Variants in TCF12 observed in about 807,000 individuals in gnomAD.
TCF12 encodes the protein DNA-binding protein HTF4.
In TCF12, 45 loss-of-function variants were observed where a neutral mutation model predicts 86.0. The ratio of observed to expected loss-of-function variants is 0.52; its 90% CI spans 0.41 to 0.67. The LOEUF is 0.67. Among genes scored for constraint, TCF12 ranks in the 30% least tolerant of loss-of-function variants. The pLI is 0.00. For missense variants in TCF12, 881 were observed against 859.9 expected (o/e 1.02, Z -0.31); for synonymous variants, 330 against 299.6 (o/e 1.10, Z -1.05).
chr15:57,088,551 G>A (rs2048794317), intron 4 of TCF12, among the ~76,000 whole-genome samples: 1 of 145,050 alleles, frequency 6.9e-6, no homozygotes, highest in South Asian at 2.2e-4. Flanking sequence ...ATTCTTATCT[G>A]GAAATTTCTG....
intron 3 of TCF12, among the ~76,000 whole-genome samples, chr15:57,040,345 T>A (rs1845997558): frequency 6.6e-6 from 1 of 152,224 alleles, no homozygotes; most frequent in Non-Finnish European, 1.5e-5. Context: ...TAATTATATT[T>A]GGTAAAAAGT....
At chr15:57,167,139 TG>T (rs2151547381) in intron 6 of TCF12, among the ~76,000 whole-genome samples, 1 of 152,362 alleles carries the variant, frequency 6.6e-6, no homozygotes, top group East Asian at 1.9e-4. Flanking sequence ...ATTTCAGGCA[TG>T]GGCATGTGAG....
intron 8 of TCF12, among the ~76,000 whole-genome samples, chr15:57,199,185 ATTCCCGAAGACAGGAATTTTT>A (rs1327322512): frequency 2.6e-5 from 4 of 152,206 alleles, no homozygotes; most frequent in Admixed American, 2.6e-4. Context: ...TCAAATCGTT[ATTCCCGAAGACAGGAATTTTT>A]TTTCAGCAGC....
chr15:56,935,274 T>C (rs2060418303), intron 3 of TCF12, among the ~76,000 whole-genome samples: 1 of 152,032 alleles, frequency 6.6e-6, no homozygotes, highest in African/African-American at 2.4e-5. Context: ...ATACCATAGA[T>C]TTGGTGGCTT....
chr15:57,202,635 C>T (rs2057604740), intron 8 of TCF12, among the ~76,000 whole-genome samples: 1 of 151,942 alleles, frequency 6.6e-6, no homozygotes, highest in South Asian at 2.1e-4. Context: ...TGGGGTTTCA[C>T]CGCTATAGCC....
intron 5 of TCF12, among the ~76,000 whole-genome samples, chr15:57,101,429 C>T (rs953926414): frequency 3.9e-5 from 6 of 152,198 alleles, no homozygotes; most frequent in South Asian, 2.1e-4. Context: ...CAGGCTGGTC[C>T]GAACTCTTAG....
At chr15:56,977,063 G>A (rs1458469965) in intron 3 of TCF12, among the ~76,000 whole-genome samples, 1 of 152,094 alleles carries the variant, frequency 6.6e-6, no homozygotes, top group African/African-American at 2.4e-5. Flanking sequence ...TTTGCAGAAG[G>A]TTATATTGAG....
intron 18 of TCF12, among the ~76,000 whole-genome samples, 153 bp from the exon 19 acceptor site, chr15:57,272,877 G>A (rs1363047060): frequency 6.6e-6 from 1 of 152,172 alleles, no homozygotes; most frequent in African/African-American, 2.4e-5. Flanking sequence ...AATTTGAAAG[G>A]AATATACAGT....
At chr15:57,083,898 G>A (rs1048378542) in intron 4 of TCF12, among the ~76,000 whole-genome samples, 3 of 152,186 alleles carry the variant, frequency 2.0e-5, no homozygotes, top group Admixed American at 2.0e-4. Flanking sequence ...TTTTATAGAA[G>A]TTAAGCATTA....
At chr15:57,147,308 G>A (rs1042812219) in intron 5 of TCF12, among the ~76,000 whole-genome samples, 1 of 152,154 alleles carries the variant, frequency 6.6e-6, no homozygotes, top group South Asian at 2.1e-4. Flanking sequence ...TTTAACATCA[G>A]TGTAATAGTT....
chr15:57,262,180 G>A lies in TCF12; in HGVS notation c.1554G>A (p.Leu518=), dbSNP rs749191885. 6.2e-7 allele frequency: 1 copy of A among 1,612,936 alleles called. No homozygotes were observed. The highest frequency in any genetic ancestry group is 8.5e-7 in the Non-Finnish European group (1 of 1,179,274). ...SSTVTTSSTD[L]NHKTQENYRG... is the part of the protein sequence containing the mutation. Reference sequence around the variant, plus strand: ...CAGTCACTACTTCAAGCACAGACCTGAACCATAAAACACAAGAAAATTATA... The same window carrying A: ...CAGTCACTACTTCAAGCACAGACCTAAACCATAAAACACAAGAAAATTATA... The change falls in exon 17 of 21, where the codon CTG becomes CTA. Residue 518 remains leucine (L), a synonymous_variant. Coordinates refer to ENST00000333725, the MANE Select transcript of TCF12 (RefSeq NM_207037.2).
intron 4 of TCF12, among the ~76,000 whole-genome samples, chr15:57,086,212 GATA>G (rs60173159): frequency 1.6e-3 from 220 of 141,612 alleles, no homozygotes; most frequent in Admixed American, 4.8e-3. Context: ...GGATGATGAT[GATA>G]ATAATAATAA....
intron 18 of TCF12, among the ~76,000 whole-genome samples, chr15:57,271,606 A>G (rs1348156643): frequency 2.0e-5 from 3 of 152,074 alleles, no homozygotes; most frequent in African/African-American, 7.2e-5. Context: ...CCACTGTTCA[A>G]CCAGTCCCAA....
intron 5 of TCF12, among the ~76,000 whole-genome samples, chr15:57,097,871 C>T (rs1032519284): frequency 6.6e-6 from 1 of 151,900 alleles, no homozygotes; most frequent in Non-Finnish European, 1.5e-5. Flanking sequence ...GAAACATGGC[C>T]CTGGCCAGGC....
chr15:57,267,880 A>G (rs2060943014), intron 18 of TCF12, among the ~76,000 whole-genome samples: 1 of 152,202 alleles, frequency 6.6e-6, no homozygotes, highest in African/African-American at 2.4e-5. Flanking sequence ...CTTCTTCTCT[A>G]AAAGGAGACT....
intron 8 of TCF12, among the ~76,000 whole-genome samples, chr15:57,224,497 A>T (rs1193328174): frequency 6.6e-6 from 1 of 152,168 alleles, no homozygotes; most frequent in Admixed American, 6.5e-5. Context: ...AAATGGGCTT[A>T]GAAGGAATTT....
At chr15:56,981,861 C>T (rs2062910540) in intron 3 of TCF12, among the ~76,000 whole-genome samples, 2 of 152,102 alleles carry the variant, frequency 1.3e-5, no homozygotes, top group South Asian at 2.1e-4. Flanking sequence ...AGTGGATTCT[C>T]ATAAAGATCT....
intron 3 of TCF12, among the ~76,000 whole-genome samples, chr15:56,934,407 G>A (rs1347927258): frequency 6.6e-6 from 1 of 152,176 alleles, no homozygotes; most frequent in Non-Finnish European, 1.5e-5. Flanking sequence ...CAAAGAGGAG[G>A]TTATGAAACG....
chr15:57,000,327 A>G (rs1164011416), intron 3 of TCF12, among the ~76,000 whole-genome samples: 2 of 146,336 alleles, frequency 1.4e-5, no homozygotes, highest in African/African-American at 2.5e-5. Context: ...GGCATGAGCC[A>G]CTGCACCTGG....
Sources: gnomAD v4.1 joint callset for allele counts (sites outside exome capture counted in the v4.1 genomes callset) on GRCh38, gnomAD v4.1.1 for gene constraint, MANE v1.5 for transcripts, NCBI Gene and HGNC (gene_info 2026-07-23, HGNC 2026-07-21) for gene names.